The following DEDD2 variants were observed in gnomAD, a reference collection of about 807,000 sequenced individuals.
The protein encoded by DEDD2 is death effector domain containing 2.
DEDD2 carries 18 observed loss-of-function variants against 28.9 expected under a neutral mutation model. The ratio of observed to expected loss-of-function variants is 0.62; its 90% CI spans 0.43 to 0.92. The LOEUF is 0.92. Ranked by LOEUF, DEDD2 falls within the 40% of genes least tolerant of loss-of-function variation. The pLI, the probability that DEDD2 is intolerant of heterozygous loss-of-function variation, is 0.00. For missense variants in DEDD2, 411 were observed against 463.3 expected (o/e 0.89, Z 1.04); for synonymous variants, 211 against 206.1 (o/e 1.02, Z -0.20).
upstream of DEDD2, among the ~76,000 whole-genome samples, chr19:42,218,929 G>C (rs1303121301): frequency 2.6e-5 from 4 of 152,178 alleles, no homozygotes; most frequent in Non-Finnish European, 5.9e-5. Context: ...TGAGACAAGA[G>C]AATCTCTTGA....
intron 3 of DEDD2, among the ~76,000 whole-genome samples, chr19:42,214,388 G>A (rs987212727): frequency 6.6e-6 from 1 of 151,866 alleles, no homozygotes; most frequent in East Asian, 1.9e-4. Context: ...AATCTGGGTG[G>A]CAGAGGTTGC....
intron 4 of DEDD2, among the ~76,000 whole-genome samples, chr19:42,208,046 C>A (rs949724446): frequency 4.6e-5 from 7 of 152,204 alleles, no homozygotes; most frequent in African/African-American, 1.7e-4. Context: ...TCACAATACC[C>A]GTGCCACCTG....
chr19:42,208,070 G>A (rs2035603979), intron 4 of DEDD2, among the ~76,000 whole-genome samples: 1 of 152,148 alleles, frequency 6.6e-6, no homozygotes, highest in African/African-American at 2.4e-5. Context: ...CATCAGCCTG[G>A]CTGCCACTTC....
In DEDD2 at chr19:42,215,122, G is replaced by A. The variant is rs781699485; in HGVS notation, c.448+11C>T. 1.2e-6 allele frequency: 2 copies of A among 1,613,710 alleles called. No individual in the cohort carries two copies. Among genetic ancestry groups the A allele is most frequent in the Non-Finnish European group, 1.7e-6 (2 of 1,179,948 alleles). Reference sequence around the variant, plus strand: ...GGGATGCTGCCATTACACCCACCCAGCTGGGCTCACCTGTCTCCCACTGAC... The same window carrying A: ...GGGATGCTGCCATTACACCCACCCAACTGGGCTCACCTGTCTCCCACTGAC... On this transcript the variant is annotated intron_variant, in intron 3 of 4. Transcript: ENST00000596251.
intron 4 of DEDD2, among the ~76,000 whole-genome samples, chr19:42,202,893 C>T (rs1223150108): frequency 6.6e-6 from 1 of 152,240 alleles, no homozygotes; most frequent in Admixed American, 6.5e-5. Flanking sequence ...TGAGCCTCTG[C>T]TCCACCCTTA....
chr19:42,218,096 C>A (rs2036056631), upstream of DEDD2, among the ~76,000 whole-genome samples: 1 of 152,104 alleles, frequency 6.6e-6, no homozygotes, highest in Non-Finnish European at 1.5e-5. Flanking sequence ...ACTACTTTCC[C>A]GTCTCCCAGT....
At chr19:42,214,797 G>A (rs2035898397) in intron 3 of DEDD2, among the ~76,000 whole-genome samples, 1 of 152,048 alleles carries the variant, frequency 6.6e-6, no homozygotes, top group Non-Finnish European at 1.5e-5. Context: ...AAAACTGGGG[G>A]TGGTGAGAAT....
At chr19:42,207,250 C>T (rs959855297) in intron 4 of DEDD2, among the ~76,000 whole-genome samples, 1 of 152,214 alleles carries the variant, frequency 6.6e-6, no homozygotes, top group African/African-American at 2.4e-5. Flanking sequence ...TTATCTGCTG[C>T]CTCATCTACA....
rs1568436444 is a variant in DEDD2, at chr19:42,199,962, TC to T, written c.590-134del. The T allele has an allele frequency of 1.5e-6, 2 of 1,351,928 alleles. No individual in the cohort carries two copies. The highest frequency in any genetic ancestry group is 2.0e-6 in the Non-Finnish European group (2 of 1,012,088). 83.7% of individuals were successfully genotyped at this position (1,351,928 alleles called of 1,614,324 possible). ...GCCACACCCTAGTCCTGACACAGCCTCCCCGGCTCTGTGGGGTTCCCTGACC... is the reference window on the plus strand; with the variant it reads ...GCCACACCCTAGTCCTGACACAGCCTCCCGGCTCTGTGGGGTTCCCTGACC... On this transcript the variant is annotated intron_variant, in intron 4 of 4. Transcript: ENST00000596251. The surrounding 1 kb of genome is among the most constrained non-coding windows in gnomAD (Gnocchi z 7.4).
In DEDD2 at chr19:42,199,698, A is replaced by C. The variant is rs1162389109; in HGVS notation, c.721T>G (p.Ser241Ala). ...CAAACCACAGAGCCCAGGTCCCTTGAGCGCAGCACTGCGGTGGCCTGCCCA... is the reference window on the plus strand; with the variant it reads ...CAAACCACAGAGCCCAGGTCCCTTGCGCGCAGCACTGCGGTGGCCTGCCCA... ...VFGQATAVLR[S>A]RDLGSVVCDI... Residue 241 changes from serine (S) to alanine (A), a missense_variant, in exon 5 of 5, where the codon TCA becomes GCA. Ser to Ala is a moderately conservative substitution (Grantham distance 99). Transcript: ENST00000596251. This position sits in a 1 kb window ranked among gnomAD's most constrained non-coding sequence, Gnocchi z 7.4. The C allele has an allele frequency of 6.2e-7, 1 of 1,614,008 alleles. No homozygotes were observed. The highest frequency in any genetic ancestry group is 8.5e-7 in the Non-Finnish European group (1 of 1,179,984).
intron 4 of DEDD2, among the ~76,000 whole-genome samples, chr19:42,205,180 C>T (rs2035482311): frequency 6.6e-6 from 1 of 152,206 alleles, no homozygotes; most frequent in Non-Finnish European, 1.5e-5. Context: ...CACAGGACAA[C>T]TGCTTTAGAA....
At chr19:42,217,128 C>A in intron 1 of DEDD2, 83 bp from the exon 2 acceptor site, 1 of 1,130,576 alleles carries the variant, frequency 8.8e-7, no homozygotes, top group Non-Finnish European at 1.3e-6. Context: ...CTCCCCCGCC[C>A]AATCGCGCCG....
Position 42,199,822 on chromosome 19 carries a change from C to T in DEDD2, c.597G>A (p.Arg199=). 6.3e-7 allele frequency: 1 copy of T among 1,590,656 alleles called. No individual in the cohort carries two copies. Among genetic ancestry groups the T allele is most frequent in the Non-Finnish European group, 8.6e-7 (1 of 1,168,124 alleles). The change falls in exon 5 of 5, where the codon CGG becomes CGA. Residue 199 remains arginine (R), a synonymous_variant. Transcript: ENST00000596251. This position sits in a 1 kb window ranked among gnomAD's most constrained non-coding sequence, Gnocchi z 7.4. ...SSEGKVTCDI[R]LRVRAEYCEH... ...CGCAGTACTCTGCTCGAACCCGGAGCCGGATGTCTGCAGGGGAAGGAGGGA... is the reference window on the plus strand; with the variant it reads ...CGCAGTACTCTGCTCGAACCCGGAGTCGGATGTCTGCAGGGGAAGGAGGGA...
rs535277377 is a variant in DEDD2, at chr19:42,215,183, C to T, written c.398G>A (p.Arg133His). 16 of 1,614,098 alleles carry T rather than the reference C, an allele frequency of 9.9e-6. No individual in the cohort carries two copies. Among genetic ancestry groups the T allele is most frequent in the African/African-American group, 9.3e-5 (7 of 75,010 alleles). Reference protein sequence around the residue: ...SKRTEGSCRRRRQSSSSANSQ... With the variant: ...SKRTEGSCRRHRQSSSSANSQ... ...ATTTGCAGAACTGCTTGACTGCCGA[C>T]GGCGACGGCAGCTACCCTCTGTCCT... The change falls in exon 3 of 5, where the codon CGT (arginine) becomes CAT (histidine). Residue 133 changes from arginine to histidine, a missense_variant. Physicochemically the swap from Arg to His is conservative, Grantham distance 29. Coordinates refer to ENST00000596251, the MANE Select transcript of DEDD2 (RefSeq NM_133328.4).
chr19:42,215,391 T>C (rs2035926868), intron 2 of DEDD2, 139 bp from the exon 3 acceptor site: 2 of 1,059,584 alleles, frequency 1.9e-6, no homozygotes, highest in Non-Finnish European at 2.7e-6. Context: ...AAACACCTCC[T>C]GCAGAGGTTG....
chr19:42,216,446 T>A (rs895146519), intron 2 of DEDD2, among the ~76,000 whole-genome samples: 1 of 152,262 alleles, frequency 6.6e-6, no homozygotes, highest in Non-Finnish European at 1.5e-5. Flanking sequence ...GTGCCTGGCA[T>A]GAAACAAGCC....
chr19:42,204,989 T>C (rs2035474358), intron 4 of DEDD2, among the ~76,000 whole-genome samples: 1 of 152,208 alleles, frequency 6.6e-6, no homozygotes, highest in Non-Finnish European at 1.5e-5. Flanking sequence ...TGCTTCCTGA[T>C]GGAGGCGCAC....
rs774292286 is a variant in DEDD2 at position 42,199,639 on chromosome 19, G to A, written c.780C>T (p.Asp260=). Reference sequence around the variant, plus strand: ...CACTCAGGTAGTCGCCCCAGAAGGCGTCCAGATAGGAGAGCTCTGAGAACT... The same window carrying A: ...CACTCAGGTAGTCGCCCCAGAAGGCATCCAGATAGGAGAGCTCTGAGAACT... ...DIKFSELSYL[D]AFWGDYLSGA... The change falls in exon 5 of 5, where the codon GAC becomes GAT. Residue 260 remains aspartate, a synonymous_variant. Coordinates refer to ENST00000596251, the MANE Select transcript of DEDD2 (RefSeq NM_133328.4). The surrounding 1 kb of genome is among the most constrained non-coding windows in gnomAD (Gnocchi z 7.4). 1.2e-5 allele frequency: 19 copies of A among 1,614,144 alleles called. No homozygotes were observed. Among genetic ancestry groups the A allele is most frequent in the Admixed American group, 6.7e-5 (4 of 60,028 alleles).
At chr19:42,203,115 C>T (rs1248472989) in intron 4 of DEDD2, among the ~76,000 whole-genome samples, 1 of 152,178 alleles carries the variant, frequency 6.6e-6, no homozygotes, top group African/African-American at 2.4e-5. Context: ...CTAAGGCCAC[C>T]AGATAGGAAA....
Sources: allele counts gnomAD v4.1 joint callset (sites outside exome capture counted in the v4.1 genomes callset), GRCh38; gene constraint gnomAD v4.1.1; non-coding constraint Gnocchi (gnomAD v3.1); transcripts MANE v1.5; gene names NCBI Gene and HGNC (gene_info 2026-07-23, HGNC 2026-07-21).